Variants in KCNAB1 observed in about 807,000 individuals in gnomAD.
KCNAB1 encodes the protein voltage-gated potassium channel subunit beta-1.
In KCNAB1, 35 loss-of-function variants were observed where a neutral mutation model predicts 64.6. That is an observed-to-expected ratio of 0.54 (90% CI 0.41 to 0.72). The LOEUF (loss-of-function observed/expected upper bound fraction) is 0.72, where lower values mean the gene tolerates loss of function less well. KCNAB1 is among the 30% of genes least tolerant of loss of function. The probability of loss-of-function intolerance (pLI) is 0.00; values close to 1 mark genes in which losing one functional copy is unlikely to be tolerated. For synonymous variants in KCNAB1, 177 were observed against 183.8 expected (o/e 0.96, Z 0.30); for missense variants, 401 against 512.9 (o/e 0.78, Z 2.11).
chr3:156,517,861 C>T (rs34674837), intron 11 of KCNAB1, among the ~76,000 whole-genome samples: 1 of 152,210 alleles, frequency 6.6e-6, no homozygotes, highest in Non-Finnish European at 1.5e-5. Flanking sequence ...ACACGAAGAC[C>T]TTAAATAACA....
chr3:156,332,124 A>G (rs1344484721), intron 1 of KCNAB1, among the ~76,000 whole-genome samples: 1 of 152,164 alleles, frequency 6.6e-6, no homozygotes, highest in African/African-American at 2.4e-5. Context: ...ATAAACTATG[A>G]ATAGTATGTG....
chr3:156,167,074 A>AC (rs1711619438), intron 1 of KCNAB1, among the ~76,000 whole-genome samples: 2 of 152,114 alleles, frequency 1.3e-5, no homozygotes, highest in African/African-American at 4.8e-5. Flanking sequence ...AGTCCATGGG[A>AC]CCCCAGGGAT....
intron 1 of KCNAB1, among the ~76,000 whole-genome samples, chr3:156,392,489 C>A (rs569768684): frequency 2.0e-5 from 3 of 152,156 alleles, no homozygotes; most frequent in African/African-American, 7.2e-5. Context: ...GCTTTCTACT[C>A]CTAGCCTTAC....
intron 1 of KCNAB1, among the ~76,000 whole-genome samples, chr3:156,260,606 T>C (rs1718375221): frequency 6.6e-6 from 1 of 152,244 alleles, no homozygotes; most frequent in Non-Finnish European, 1.5e-5. Flanking sequence ...CAGCAGTTCA[T>C]TCCTTTTAAT....
At chr3:156,354,039 GTATATATA>G (rs760414662) in intron 1 of KCNAB1, among the ~76,000 whole-genome samples, 3 of 136,456 alleles carry the variant, frequency 2.2e-5, no homozygotes, top group African/African-American at 5.5e-5. Flanking sequence ...ATGTGTGTGT[GTATATATA>G]TGTGTGTGTG....
chr3:156,315,042 C>T (rs140596309), intron 1 of KCNAB1, among the ~76,000 whole-genome samples: 133 of 152,158 alleles, frequency 8.7e-4, no homozygotes, highest in African/African-American at 2.8e-3. Flanking sequence ...AACATTTTCT[C>T]GGGTCTCCAA....
chr3:156,327,687 G>C (rs1302770080), intron 1 of KCNAB1, among the ~76,000 whole-genome samples: 1 of 152,132 alleles, frequency 6.6e-6, no homozygotes. Flanking sequence ...ATCTATTAGA[G>C]AAATATCCCA....
At chr3:156,439,727 T>A (rs190331813) in intron 2 of KCNAB1, among the ~76,000 whole-genome samples, 1 of 152,350 alleles carries the variant, frequency 6.6e-6, no homozygotes, top group East Asian at 1.9e-4. Context: ...AGGAGTGCCC[T>A]CTGGGAACAT....
At chr3:156,397,997 C>A (rs1713589856) in intron 1 of KCNAB1, among the ~76,000 whole-genome samples, 1 of 152,160 alleles carries the variant, frequency 6.6e-6, no homozygotes, top group South Asian at 2.1e-4. Flanking sequence ...AACCAGGCAC[C>A]TCCAATGAAC....
At chr3:156,243,208 G>A (rs1018367495) in intron 1 of KCNAB1, among the ~76,000 whole-genome samples, 2 of 150,328 alleles carry the variant, frequency 1.3e-5, no homozygotes, top group African/African-American at 2.4e-5. Context: ...GCACCTGGCC[G>A]ATGGTGTGCT....
rs562687186 is a variant in KCNAB1 at position 156,435,678 on chromosome 3, T to G, written c.319+14019T>G. Among the ~76,000 whole-genome samples the G allele has an allele frequency of 2.4e-4, 36 of 152,294 alleles. 1 individual carries two copies. The highest frequency in any genetic ancestry group is 8.3e-4 in the South Asian group (4 of 4,822). Reference sequence around the variant, plus strand: ...TAGACAGAAGAGAAGGGAAAGAGTTTGAAGTCAGAGTATGTGGGGAGAATG... The same window carrying G: ...TAGACAGAAGAGAAGGGAAAGAGTTGGAAGTCAGAGTATGTGGGGAGAATG... On this transcript the variant is annotated intron_variant, in intron 2 of 13. Transcript: ENST00000490337.
chr3:156,524,624 G>A (rs1718177310), intron 12 of KCNAB1, among the ~76,000 whole-genome samples: 1 of 151,800 alleles, frequency 6.6e-6, no homozygotes, highest in African/African-American at 2.4e-5. Context: ...GTGGGTGCCT[G>A]TAGTCCCAGC....
At chr3:156,148,179 C>T (rs1054690852) in intron 1 of KCNAB1, among the ~76,000 whole-genome samples, 1 of 152,126 alleles carries the variant, frequency 6.6e-6, no homozygotes, top group Non-Finnish European at 1.5e-5. Flanking sequence ...CTTACACATC[C>T]CACTTGCCTA....
intron 9 of KCNAB1, among the ~76,000 whole-genome samples, 157 bp downstream of exon 9, chr3:156,514,606 A>T (rs901321447): frequency 6.6e-6 from 1 of 152,224 alleles, no homozygotes; most frequent in Non-Finnish European, 1.5e-5. Flanking sequence ...TGGATATTGG[A>T]GCCGGAGCTC....
At chr3:156,506,242 T>G (rs1346282913) in intron 8 of KCNAB1, among the ~76,000 whole-genome samples, 4 of 152,210 alleles carry the variant, frequency 2.6e-5, no homozygotes, top group African/African-American at 9.7e-5. Context: ...CATTTATTTT[T>G]TCAAGGTGAA....
intron 1 of KCNAB1, among the ~76,000 whole-genome samples, chr3:156,374,843 G>T (rs531730697): frequency 7.4e-6 from 1 of 135,910 alleles, no homozygotes; most frequent in African/African-American, 3.3e-5. Context: ...GTAAAGGTTA[G>T]ATTTTAAAAA....
At chr3:156,398,649 A>G (rs918608298) in intron 1 of KCNAB1, among the ~76,000 whole-genome samples, 4 of 151,876 alleles carry the variant, frequency 2.6e-5, no homozygotes, top group Non-Finnish European at 4.4e-5. Flanking sequence ...ACCACCATCA[A>G]TGTATACCTA....
At chr3:156,200,033 T>C (rs928252410) in intron 1 of KCNAB1, among the ~76,000 whole-genome samples, 1 of 152,196 alleles carries the variant, frequency 6.6e-6, no homozygotes, top group Admixed American at 6.5e-5. Context: ...TTGATGCTGA[T>C]GTTATTGCTT....
intron 1 of KCNAB1, among the ~76,000 whole-genome samples, chr3:156,388,361 C>T (rs535500891): frequency 2.6e-4 from 40 of 152,288 alleles, no homozygotes; most frequent in African/African-American, 8.7e-4. Flanking sequence ...ACTGTGAGAG[C>T]CCCTTCAAGG....
Sources: gnomAD v4.1 joint callset for allele counts (sites outside exome capture counted in the v4.1 genomes callset) on GRCh38, gnomAD v4.1.1 for gene constraint, MANE v1.5 for transcripts, NCBI Gene and HGNC (gene_info 2026-07-23, HGNC 2026-07-21) for gene names.